Variants in GRM8 observed in about 807,000 individuals in gnomAD.
The protein encoded by GRM8 is glutamate metabotropic receptor 8.
A neutral mutation model predicts 87.2 loss-of-function variants in GRM8; 47 were observed. That is an observed-to-expected ratio of 0.54 (90% CI 0.43 to 0.69). The LOEUF is 0.69. Ranked by LOEUF, GRM8 falls within the 30% of genes least tolerant of loss-of-function variation. GRM8 has a pLI of 0.00. For synonymous variants in GRM8, 396 were observed against 404.5 expected (o/e 0.98, Z 0.25); for missense variants, 1,019 against 1,139.2 (o/e 0.89, Z 1.52).
At chr7:126,477,911 G>A (rs929538850) in intron 9 of GRM8, among the ~76,000 whole-genome samples, 1 of 152,028 alleles carries the variant, frequency 6.6e-6, no homozygotes, top group Non-Finnish European at 1.5e-5. Context: ...TCAAGGTGTT[G>A]GCCATGCAGT....
intron 8 of GRM8, among the ~76,000 whole-genome samples, chr7:126,585,296 T>C (rs1247783617): frequency 6.6e-6 from 1 of 152,198 alleles, no homozygotes; most frequent in Non-Finnish European, 1.5e-5. Context: ...CAATAAGGCA[T>C]AAACCCATCT....
At chr7:126,617,855 C>A (rs1234233066) in intron 7 of GRM8, among the ~76,000 whole-genome samples, 1 of 152,126 alleles carries the variant, frequency 6.6e-6, no homozygotes, top group Admixed American at 6.5e-5. Context: ...GAACTACAAA[C>A]CACTGCTCAA....
chr7:126,867,103 G>C (rs1798668230), intron 6 of GRM8, among the ~76,000 whole-genome samples: 1 of 152,142 alleles, frequency 6.6e-6, no homozygotes, highest in African/African-American at 2.4e-5. Context: ...TAAAATCTTA[G>C]TTCAAAGTCA....
chr7:126,798,871 C>G (rs1360324096), intron 6 of GRM8, among the ~76,000 whole-genome samples: 1 of 151,992 alleles, frequency 6.6e-6, no homozygotes, highest in Non-Finnish European at 1.5e-5. Flanking sequence ...GAAAGTCTCC[C>G]AAGAAGTGTC....
In GRM8 at chr7:127,189,714, G is replaced by T. The variant is rs1478103452; in HGVS notation, c.510+52981C>A. On this transcript the variant is annotated intron_variant, in intron 2 of 10. Coordinates refer to ENST00000339582, the MANE Select transcript of GRM8 (RefSeq NM_000845.3). The stretch of plus-strand genomic sequence containing the variant: ...AGTCAAGGTCAAAGCCTGCATCTCT[G>T]TCTGGTTCATGAACAACTGAGCCTT... Among the ~76,000 whole-genome samples the T allele has an allele frequency of 4.6e-5, 7 of 152,276 alleles. No individual in the cohort carries two copies. The South Asian group carries it at 1.5e-3, about 32-fold the overall frequency.
chr7:127,190,042 T>C (rs1794940540), intron 2 of GRM8, among the ~76,000 whole-genome samples: 1 of 152,218 alleles, frequency 6.6e-6, no homozygotes. Flanking sequence ...CTGCTAATCT[T>C]GGCCAGACTT....
chr7:126,488,887 C>T (rs1416238766), intron 9 of GRM8, among the ~76,000 whole-genome samples: 2 of 151,494 alleles, frequency 1.3e-5, no homozygotes, highest in Admixed American at 6.6e-5. Context: ...TACACATGTG[C>T]CCCTATTGTA....
chr7:126,529,313 T>C (rs1814425007), intron 9 of GRM8, among the ~76,000 whole-genome samples: 1 of 152,242 alleles, frequency 6.6e-6, no homozygotes, highest in African/African-American at 2.4e-5. Flanking sequence ...GCTCATTGAA[T>C]AGGCATTTAT....
intron 3 of GRM8, among the ~76,000 whole-genome samples, chr7:127,079,834 A>ATT (rs3216295): frequency 2.0e-5 from 3 of 151,484 alleles, no homozygotes; most frequent in Middle Eastern, 3.4e-3. Flanking sequence ...CTTCGTAGGT[A>ATT]TTTTTTTTTC....
At chr7:126,911,425 G>A (rs1044924108) in intron 3 of GRM8, among the ~76,000 whole-genome samples, 2 of 151,754 alleles carry the variant, frequency 1.3e-5, no homozygotes, top group African/African-American at 4.8e-5. Context: ...GTTGAAATTA[G>A]AATTTAACTC....
chr7:126,520,072 G>C (rs574951325), intron 9 of GRM8, among the ~76,000 whole-genome samples: 1 of 150,504 alleles, frequency 6.6e-6, no homozygotes, highest in East Asian at 2.0e-4. Flanking sequence ...TTAAGCCTGA[G>C]ACCTATGGAC....
chr7:127,024,230 A>G (rs924553633), intron 3 of GRM8, among the ~76,000 whole-genome samples: 4 of 152,098 alleles, frequency 2.6e-5, no homozygotes, highest in Admixed American at 6.5e-5. Context: ...AGGATTAAAT[A>G]AGGTAAGATT....
chr7:126,672,074 C>T (rs551437062), intron 7 of GRM8, among the ~76,000 whole-genome samples: 4 of 152,152 alleles, frequency 2.6e-5, no homozygotes, highest in East Asian at 1.9e-4. Flanking sequence ...TGATTTCTAC[C>T]GATTAAACCA....
intron 3 of GRM8, among the ~76,000 whole-genome samples, chr7:127,074,719 A>G (rs1328797488): frequency 6.6e-6 from 1 of 152,188 alleles, no homozygotes; most frequent in Non-Finnish European, 1.5e-5. Context: ...CTGGATATTA[A>G]TCAACTGCCT....
intron 10 of GRM8, 69 bp from the exon 11 acceptor site, chr7:126,439,237 A>C: frequency 3.3e-6 from 3 of 901,284 alleles, no homozygotes; most frequent in Non-Finnish European, 5.6e-6. Flanking sequence ...TATGATTTTA[A>C]AATTCAAGTC....
intron 7 of GRM8, among the ~76,000 whole-genome samples, chr7:126,718,935 A>G (rs982022957): frequency 1.3e-5 from 2 of 152,216 alleles, no homozygotes; most frequent in African/African-American, 2.4e-5. Flanking sequence ...TAGGGTCTGT[A>G]CCATTATCTT....
Position 127,178,114 on chromosome 7 carries a change from G to A in GRM8, c.510+64581C>T, listed in dbSNP as rs150631157. ...AAATCCAAAAAATAATGCAAGAACT[G>A]AAGGGAAAATTATTCAAGGAAGTAG... is the stretch of plus-strand genomic sequence containing the variant. On this transcript the variant is annotated intron_variant, in intron 2 of 10. Transcript: ENST00000339582. 2.1e-4 allele frequency among the ~76,000 whole-genome samples: 32 copies of A among 152,246 alleles called. No individual in the cohort carries two copies. In the East Asian group the frequency reaches 5.8e-3, roughly 28 times the overall value.
chr7:127,051,329 C>T (rs17867744), intron 3 of GRM8, among the ~76,000 whole-genome samples: 1 of 85,850 alleles, frequency 1.2e-5, no homozygotes, highest in Non-Finnish European at 2.3e-5. Context: ...GTTTCCCAAC[C>T]TTTTCCCTTC....
intron 2 of GRM8, among the ~76,000 whole-genome samples, chr7:127,235,621 A>G (rs1354949683): frequency 6.6e-6 from 1 of 152,196 alleles, no homozygotes; most frequent in African/African-American, 2.4e-5. Flanking sequence ...TATGATTAAA[A>G]ACCAAGCAAT....
Sources: gnomAD v4.1 joint callset for allele counts (sites outside exome capture counted in the v4.1 genomes callset) on GRCh38, gnomAD v4.1.1 for gene constraint, MANE v1.5 for transcripts, NCBI Gene and HGNC (gene_info 2026-07-23, HGNC 2026-07-21) for gene names.